ZSCAN18: variants seen among roughly 807,000 people sequenced by gnomAD.
ZSCAN18 encodes zinc finger and SCAN domain containing 18.
In ZSCAN18, 16 loss-of-function variants were observed where a neutral mutation model predicts 31.1. The observed-to-expected ratio is 0.51, with a 90% confidence interval of 0.35 to 0.78. The LOEUF is 0.78. Among genes scored for constraint, ZSCAN18 ranks in the 30% least tolerant of loss-of-function variants. The pLI is 0.01. For missense variants in ZSCAN18, 731 were observed against 697.4 expected (o/e 1.05, Z -0.54); for synonymous variants, 375 against 320.7 (o/e 1.17, Z -1.81).
intron 1 of ZSCAN18, among the ~76,000 whole-genome samples, chr19:58,112,395 A>G (rs189935559): frequency 9.5e-4 from 145 of 152,274 alleles, no homozygotes; most frequent in Non-Finnish European, 1.5e-3. Flanking sequence ...TCACGCCTGT[A>G]ATCTCAGCAC....
At chr19:58,093,432 T>C (rs1182358121) in intron 1 of ZSCAN18, 1 of 152,228 alleles carries the variant, frequency 6.6e-6, no homozygotes, top group African/African-American at 2.4e-5. Flanking sequence ...GCAGGATAGC[T>C]AGGGCACAGG....
chr19:58,114,255 G>A (rs901048697), intron 1 of ZSCAN18, among the ~76,000 whole-genome samples: 1 of 152,180 alleles, frequency 6.6e-6, no homozygotes. Context: ...GCAACAGGCC[G>A]AGACTCTGTC....
chr19:58,098,361 C>T (rs115971516), upstream of ZSCAN18: 2,235 of 985,514 alleles, frequency 2.3e-3, 50 homozygotes, highest in African/African-American at 0.037. Flanking sequence ...GCCAATCAGA[C>T]GCGAGTGTGG....
chr19:58,085,467 G>A (rs890632955), intron 6 of ZSCAN18, 88 bp from the exon 7 acceptor site: 38 of 1,208,442 alleles, frequency 3.1e-5, no homozygotes, highest in Non-Finnish European at 3.7e-5. Context: ...CCGGAACAGC[G>A]CACAGGGCTC....
At chr19:58,107,717 A>C in intron 1 of ZSCAN18, 1 of 989,500 alleles carries the variant, frequency 1.0e-6, no homozygotes, top group Non-Finnish European at 1.2e-6. Context: ...AGGCAAAGAA[A>C]ATCAGATCAG....
At position 58,090,279 on chromosome 19, in the gene ZSCAN18, G is replaced by T. The variant is rs756814707; in HGVS notation, c.-12C>A. The T allele has an allele frequency of 6.2e-7, 1 of 1,613,454 alleles. No homozygotes were observed. Among genetic ancestry groups the T allele is most frequent in the Non-Finnish European group, 8.5e-7 (1 of 1,180,026 alleles). ...TCCAAAGGCAACATCTTTCCAAAAC[G>T]GCACTGGAAAATGTGACTGTCTAGC... On this transcript the variant is annotated 5_prime_UTR_variant, in exon 2 of 7. Coordinates refer to ENST00000601144, the MANE Select transcript of ZSCAN18 (RefSeq NM_001145543.2). The surrounding 1 kb of genome is among the most constrained non-coding windows in gnomAD (Gnocchi z 4.7).
chr19:58,085,324 C>G lies in ZSCAN18; in HGVS notation c.894G>C (p.Ala298=), dbSNP rs773806173. ...AGCACEEAAP[A]GVLPELPTEA... is the part of the protein sequence containing the mutation. ...CCGTAGGCAGCTCAGGCAGCACCCCCGCGGGGGCGGCCTCCTCGCAGGCGC... is the reference window on the plus strand; with the variant it reads ...CCGTAGGCAGCTCAGGCAGCACCCCGGCGGGGGCGGCCTCCTCGCAGGCGC... The change falls in exon 7 of 7, where the codon GCG becomes GCC. Residue 298 remains alanine (A), a synonymous_variant. Transcript: ENST00000601144. The G allele has an allele frequency of 6.9e-6, 11 of 1,595,546 alleles. No homozygotes were observed. In the African/African-American group the frequency reaches 1.5e-4, roughly 21 times the overall value.
upstream of ZSCAN18, among the ~76,000 whole-genome samples, chr19:58,099,517 G>GT (rs2074574722): frequency 6.6e-6 from 1 of 152,140 alleles, no homozygotes; most frequent in Non-Finnish European, 1.5e-5. Flanking sequence ...ATCGTTTTAA[G>GT]TATTTTGCTA....
chr19:58,090,472 C>T lies in ZSCAN18; in HGVS notation c.-119-86G>A, dbSNP rs2074388765. The T allele has an allele frequency of 1.6e-6, 2 of 1,263,194 alleles. No individual in the cohort carries two copies. The highest frequency in any genetic ancestry group is 2.1e-6 in the Non-Finnish European group (2 of 931,770). 78.2% of individuals were successfully genotyped at this position (1,263,194 alleles called of 1,614,324 possible). ...TGCCAGAGAACAAAGACACCACACC[C>T]AGAGTTCACACAGATTTCCAAGAAA... On this transcript the variant is annotated intron_variant, in intron 1 of 6. Coordinates refer to ENST00000601144, the MANE Select transcript of ZSCAN18 (RefSeq NM_001145543.2). The surrounding 1 kb of genome is among the most constrained non-coding windows in gnomAD (Gnocchi z 4.7).
chr19:58,095,344 T>C (rs1243217243), intron 1 of ZSCAN18, among the ~76,000 whole-genome samples: 1 of 152,106 alleles, frequency 6.6e-6, no homozygotes, highest in Non-Finnish European at 1.5e-5. Context: ...AACCTCACAA[T>C]CCCAGAGGGG....
Position 58,084,623 on chromosome 19 carries a change from A to G in ZSCAN18, c.*62T>C, listed in dbSNP as rs532797482. The G allele has an allele frequency of 6.1e-4, 865 of 1,407,586 alleles. No individual in the cohort carries two copies. The highest frequency in any genetic ancestry group is 1.5e-3 in the South Asian group (100 of 66,348). The allele number at this position is 1,407,586 out of a possible 1,614,324, so 87.2% of individuals were successfully genotyped here. The stretch of plus-strand genomic sequence containing the variant: ...CCACCCAGGGGCGTGGAAAGGCCCA[A>G]TGCCTCGTCTGGGATTCACGGCCGG... On this transcript the variant is annotated 3_prime_UTR_variant, in exon 7 of 7. Transcript: ENST00000601144. This position sits in a 1 kb window ranked among gnomAD's most constrained non-coding sequence, Gnocchi z 4.5.
Position 58,085,017 on chromosome 19 carries a change from CAGG to C in ZSCAN18, c.1198_1200del (p.Pro400del). On this transcript the variant is annotated inframe_deletion, in exon 7 of 7. Coordinates refer to ENST00000601144, the MANE Select transcript of ZSCAN18 (RefSeq NM_001145543.2). ...CGGGACAAGCCCGGCTCGTCAGCCC[CAGG>C]GCCCTGCCCGGCCTCCAGCCCTGCG... 6.3e-7 allele frequency: 1 copy of C among 1,590,690 alleles called. No homozygotes were observed. Among genetic ancestry groups the C allele is most frequent in the Non-Finnish European group, 8.6e-7 (1 of 1,168,530 alleles).
intron 3 of ZSCAN18, chr19:58,088,141 T>C (rs2074322671): frequency 6.5e-6 from 1 of 154,114 alleles, no homozygotes; most frequent in Middle Eastern, 3.4e-3. Context: ...GCCTCACATA[T>C]GGGCACACAA....
intron 1 of ZSCAN18, among the ~76,000 whole-genome samples, chr19:58,115,623 C>T (rs1199083329): frequency 6.6e-6 from 1 of 152,122 alleles, no homozygotes; most frequent in African/African-American, 2.4e-5. Flanking sequence ...ATAAGAAATG[C>T]CACAGCCTCT....
intron 1 of ZSCAN18, among the ~76,000 whole-genome samples, chr19:58,106,018 GC>G (rs1195328121): frequency 2.0e-5 from 3 of 152,134 alleles, no homozygotes; most frequent in African/African-American, 7.2e-5. Flanking sequence ...TAAGGCTATA[GC>G]TGCCATAGAT....
chr19:58,085,306 C>T lies in ZSCAN18; in HGVS notation c.912G>A (p.Leu304=). ...EAAPAGVLPE[L]PTEAPPGDAL... Reference sequence around the variant, plus strand: ...CGTCCCCAGGGGGCGCCTCCGTAGGCAGCTCAGGCAGCACCCCCGCGGGGG... The same window carrying T: ...CGTCCCCAGGGGGCGCCTCCGTAGGTAGCTCAGGCAGCACCCCCGCGGGGG... The change falls in exon 7 of 7, where the codon CTG becomes CTA. Residue 304 remains leucine, a synonymous_variant. Coordinates refer to ENST00000601144, the MANE Select transcript of ZSCAN18 (RefSeq NM_001145543.2). 6.3e-7 allele frequency: 1 copy of T among 1,598,498 alleles called. No homozygotes were observed. The highest frequency in any genetic ancestry group is 8.5e-7 in the Non-Finnish European group (1 of 1,178,314).
intron 1 of ZSCAN18, chr19:58,108,047 G>A: frequency 3.0e-6 from 3 of 1,008,108 alleles, no homozygotes; most frequent in Non-Finnish European, 3.6e-6. Flanking sequence ...TGCCTGATGA[G>A]GTACATAATC....
intron 1 of ZSCAN18, among the ~76,000 whole-genome samples, chr19:58,094,609 G>A (rs2074484745): frequency 1.3e-5 from 2 of 151,952 alleles, no homozygotes. Context: ...CAGGTGTGGT[G>A]GCTCACACCT....
chr19:58,118,089 C>A (rs1472876856), intron 1 of ZSCAN18, among the ~76,000 whole-genome samples: 6 of 152,062 alleles, frequency 3.9e-5, no homozygotes, highest in Admixed American at 3.9e-4. Flanking sequence ...GGAGAAGACA[C>A]GCGGGACGGT....
Sources: gnomAD v4.1 joint callset for allele counts (sites outside exome capture counted in the v4.1 genomes callset) on GRCh38, gnomAD v4.1.1 for gene constraint, Gnocchi (gnomAD v3.1) non-coding constraint, MANE v1.5 for transcripts, NCBI Gene and HGNC (gene_info 2026-07-23, HGNC 2026-07-21) for gene names.